The following PARD3B variants were observed in gnomAD, a reference collection of about 807,000 sequenced individuals.
PARD3B encodes the protein partitioning defective 3 homolog B.
In PARD3B, 103 loss-of-function variants were observed where a neutral mutation model predicts 130.2. That is an observed-to-expected ratio of 0.79 (90% CI 0.67 to 0.93). PARD3B has a LOEUF of 0.93. Among genes scored for constraint, PARD3B ranks in the 40% least tolerant of loss-of-function variants. The probability of loss-of-function intolerance (pLI) is 0.00; values close to 1 mark genes in which losing one functional copy is unlikely to be tolerated. For synonymous variants in PARD3B, 583 were observed against 553.2 expected, an observed-to-expected ratio of 1.05 and a Z score of -0.76; for missense variants, 1,609 against 1,499.2, an observed-to-expected ratio of 1.07 and a Z score of -1.21.
intron 18 of PARD3B, among the ~76,000 whole-genome samples, chr2:205,310,201 C>A (rs2042330062): frequency 6.6e-6 from 1 of 151,108 alleles, no homozygotes. Context: ...TCTCCTACCT[C>A]AGCCTCCCAA....
rs1009045754 is a variant in PARD3B at position 205,047,642 on chromosome 2, G to A, written c.456G>A (p.Gln152=). The A allele has an allele frequency of 1.3e-6, 2 of 1,550,886 alleles. No homozygotes were observed. Among genetic ancestry groups the A allele is most frequent in the Admixed American group, 3.9e-5 (2 of 50,996 alleles). ...DPVPGPPADT[Q]PSASHPGGQS... ...TGCCAGGCCCACCTGCTGATACCCA[G>A]CCAAGCGCTTCACACCCTGGTGGCC... Residue 152 remains glutamine, a synonymous_variant, in exon 4 of 23, where the codon CAG becomes CAA. Coordinates refer to ENST00000406610, the MANE Select transcript of PARD3B (RefSeq NM_001302769.2).
intron 6 of PARD3B, among the ~76,000 whole-genome samples, chr2:205,114,347 G>A (rs1165684469): frequency 2.0e-5 from 3 of 152,000 alleles, no homozygotes; most frequent in South Asian, 2.1e-4. Context: ...GTAATAAGAC[G>A]ACCACATTTA....
chr2:205,125,136 A>C lies in PARD3B; in HGVS notation c.1306-473A>C, dbSNP rs1274635951. 1.3e-5 allele frequency among the ~76,000 whole-genome samples: 2 copies of C among 152,206 alleles called. No individual in the cohort carries two copies. Among genetic ancestry groups the C allele is most frequent in the African/African-American group, 4.8e-5 (2 of 41,442 alleles). The stretch of plus-strand genomic sequence containing the variant: ...GCACCAAATGACTACTGTAGCTCCA[A>C]ATTAGAATTTCCCTTAATCTATGAT... On this transcript the variant is annotated intron_variant, in intron 9 of 22. Transcript: ENST00000406610. The surrounding 1 kb of genome is among the most constrained non-coding windows in gnomAD (Gnocchi z 4.0).
At chr2:204,825,443 G>A (rs1166478078) in intron 2 of PARD3B, among the ~76,000 whole-genome samples, 1 of 152,170 alleles carries the variant, frequency 6.6e-6, no homozygotes, top group African/African-American at 2.4e-5. Flanking sequence ...GTGCTTGCAG[G>A]ATTTGAGGTC....
At position 205,397,362 on chromosome 2, in the gene PARD3B, G is replaced by T. The variant is rs543845045; in HGVS notation, c.2631-3651G>T. ...TAATATTTGTAGAATTGCTTGATTT[G>T]ACTGTTATTGGCAGTTCTTGCTAAG... On this transcript the variant is annotated intron_variant, in intron 18 of 22. Transcript: ENST00000406610. This position sits in a 1 kb window ranked among gnomAD's most constrained non-coding sequence, Gnocchi z 4.8. Among the ~76,000 whole-genome samples the T allele has an allele frequency of 6.6e-6, 1 of 152,234 alleles. No homozygotes were observed. The highest frequency in any genetic ancestry group is 1.5e-5 in the Non-Finnish European group (1 of 68,020).
intron 15 of PARD3B, among the ~76,000 whole-genome samples, chr2:205,200,134 T>G (rs1921790): frequency 0.79 from 120,783 of 152,066 alleles, 48,550 homozygotes; most frequent in East Asian, 0.98. Flanking sequence ...TTTGTTTTCT[T>G]ATTGAGACTT....
At chr2:205,538,036 T>C (rs2051941963) in intron 21 of PARD3B, among the ~76,000 whole-genome samples, 1 of 152,186 alleles carries the variant, frequency 6.6e-6, no homozygotes. Context: ...TTTCATTTAG[T>C]TGATGCTTTA....
chr2:204,778,384 T>C (rs1261209786), intron 2 of PARD3B, among the ~76,000 whole-genome samples: 1 of 152,096 alleles, frequency 6.6e-6, no homozygotes, highest in African/African-American at 2.4e-5. Context: ...TAAATTGGAA[T>C]TGAGAGAGTT....
At chr2:204,688,824 A>G (rs777833702) in intron 2 of PARD3B, among the ~76,000 whole-genome samples, 1 of 152,142 alleles carries the variant, frequency 6.6e-6, no homozygotes, top group East Asian at 1.9e-4. Flanking sequence ...ACAAAATAAC[A>G]GTTCACCTGT....
At chr2:205,498,960 A>C (rs901789201) in intron 20 of PARD3B, among the ~76,000 whole-genome samples, 2 of 152,102 alleles carry the variant, frequency 1.3e-5, no homozygotes, top group Non-Finnish European at 2.9e-5. Context: ...CTCCCAGACT[A>C]TTTGTTTTTG....
intron 3 of PARD3B, among the ~76,000 whole-genome samples, chr2:204,981,459 A>G (rs1261767327): frequency 1.3e-5 from 2 of 152,224 alleles, no homozygotes; most frequent in Non-Finnish European, 2.9e-5. Context: ...GTAAGGAGTT[A>G]ATTCCCTCTT....
At chr2:205,141,075 G>T (rs2032910866) in intron 10 of PARD3B, among the ~76,000 whole-genome samples, 1 of 152,088 alleles carries the variant, frequency 6.6e-6, no homozygotes, top group Non-Finnish European at 1.5e-5. Context: ...TAATTGGTCA[G>T]GTGTCTCTTT....
chr2:204,733,862 A>G (rs548011579), intron 2 of PARD3B, among the ~76,000 whole-genome samples: 3 of 152,322 alleles, frequency 2.0e-5, no homozygotes, highest in East Asian at 3.9e-4. Context: ...CTTGAAATGG[A>G]TCATAGAACC....
chr2:204,775,081 A>G (rs544606844), intron 2 of PARD3B, among the ~76,000 whole-genome samples: 4 of 152,250 alleles, frequency 2.6e-5, no homozygotes, highest in Non-Finnish European at 5.9e-5. Context: ...CTGGATTTCC[A>G]CAAGCCTGAG....
chr2:205,471,433 C>T (rs1313550369), intron 20 of PARD3B, among the ~76,000 whole-genome samples: 2 of 148,118 alleles, frequency 1.4e-5, no homozygotes, highest in Non-Finnish European at 3.0e-5. Context: ...GCAATCTCGG[C>T]TCACTGCAAC....
chr2:205,060,218 T>TA (rs932842707), intron 4 of PARD3B, among the ~76,000 whole-genome samples: 4 of 152,126 alleles, frequency 2.6e-5, no homozygotes, highest in African/African-American at 7.2e-5. Context: ...CCCCTCCTCC[T>TA]AAAAAAAGTC....
At chr2:205,527,186 A>G (rs558485789) in intron 21 of PARD3B, among the ~76,000 whole-genome samples, 10 of 152,310 alleles carry the variant, frequency 6.6e-5, no homozygotes, top group South Asian at 4.1e-4. Context: ...GCTTCCAGAA[A>G]GATAATGGAG....
chr2:204,625,077 C>T (rs897036595), intron 1 of PARD3B, among the ~76,000 whole-genome samples: 11 of 151,936 alleles, frequency 7.2e-5, no homozygotes, highest in South Asian at 2.1e-4. Context: ...TTGTTTTCTA[C>T]GGTTGCATTT....
chr2:204,747,101 A>G (rs1477470527), intron 2 of PARD3B, among the ~76,000 whole-genome samples: 1 of 152,048 alleles, frequency 6.6e-6, no homozygotes, highest in African/African-American at 2.4e-5. Flanking sequence ...TAGGGTTTTT[A>G]TGGTTTTAGG....
Sources: allele counts gnomAD v4.1 joint callset (sites outside exome capture counted in the v4.1 genomes callset), GRCh38; gene constraint gnomAD v4.1.1; non-coding constraint Gnocchi (gnomAD v3.1); transcripts MANE v1.5; gene names NCBI Gene and HGNC (gene_info 2026-07-23, HGNC 2026-07-21).